Variants in IMPG1 observed in about 807,000 individuals in gnomAD.
IMPG1 encodes the protein interphotoreceptor matrix proteoglycan 1.
In IMPG1, 85 loss-of-function variants were observed where a neutral mutation model predicts 92.0. The observed-to-expected ratio is 0.92, with a 90% CI of 0.78 to 1.11. The LOEUF (loss-of-function observed/expected upper bound fraction) is 1.11. Ranked by LOEUF, IMPG1 falls within the 50% of genes least tolerant of loss-of-function variation. The probability of loss-of-function intolerance (pLI) is 0.00; values close to 1 mark genes in which losing one functional copy is unlikely to be tolerated. For synonymous variants in IMPG1, 367 were observed against 334.1 expected (o/e 1.10, Z -1.08); for missense variants, 1,022 against 956.0 (o/e 1.07, Z -0.91).
intron 12 of IMPG1, among the ~76,000 whole-genome samples, chr6:75,953,998 T>C (rs1334543731): frequency 6.6e-6 from 1 of 152,238 alleles, no homozygotes; most frequent in Non-Finnish European, 1.5e-5. Flanking sequence ...ACATTTTATT[T>C]ATCCAGTCTA....
Position 75,931,025 on chromosome 6 carries a change from C to A in IMPG1, c.2171G>T (p.Gly724Val). The A allele has an allele frequency of 1.5e-5, 25 of 1,614,208 alleles. No homozygotes were observed. The highest frequency in any genetic ancestry group is 2.1e-5 in the Non-Finnish European group (25 of 1,180,030). Residue 724 changes from glycine to valine, a missense_variant, in exon 15 of 17, where the codon GGT becomes GTT. Coordinates refer to ENST00000369950, the MANE Select transcript of IMPG1 (RefSeq NM_001563.4). ...PGYDSQGSLD[G>V]LEPGLCGPGT... is the part of the protein sequence containing the mutation. ...AGGGCCACAGAGGCCTGGTTCCAGA[C>A]CGTCCAGGCTCCCCTGGCTGTCATA...
At chr6:75,967,960 C>A (rs369387605) in intron 12 of IMPG1, among the ~76,000 whole-genome samples, 1 of 152,060 alleles carries the variant, frequency 6.6e-6, no homozygotes, top group Non-Finnish European at 1.5e-5. Context: ...TTCCAGCCAA[C>A]CAAAAGATAA....
chr6:75,929,393 T>C (rs1398886480), intron 15 of IMPG1, among the ~76,000 whole-genome samples: 2 of 152,150 alleles, frequency 1.3e-5, no homozygotes, highest in South Asian at 2.1e-4. Context: ...ATTGCACCTC[T>C]GTATTTTTTG....
intron 6 of IMPG1, among the ~76,000 whole-genome samples, chr6:76,020,660 C>T (rs1783407111): frequency 6.6e-6 from 1 of 151,424 alleles, no homozygotes; most frequent in Non-Finnish European, 1.5e-5. Flanking sequence ...CCTTTGGGGC[C>T]TACTGCCTAC....
rs78972979 is a variant in IMPG1, at chr6:76,032,260, T to G, written c.497+2055A>C. 6.5e-3 allele frequency among the ~76,000 whole-genome samples: 992 copies of G among 152,096 alleles called. 10 individuals carry two copies. Among genetic ancestry groups the G allele is most frequent in the African/African-American group, 0.023 (959 of 41,492 alleles). The stretch of plus-strand genomic sequence containing the variant: ...GGTTGTCTGTCAAGGTTTGGTACAT[T>G]CTGTTGATTTTTTTTTCTTATGGAT... On this transcript the variant is annotated intron_variant, in intron 4 of 16. Coordinates refer to ENST00000369950, the MANE Select transcript of IMPG1 (RefSeq NM_001563.4).
chr6:75,941,951 G>A (rs1472767623), intron 14 of IMPG1, among the ~76,000 whole-genome samples: 1 of 152,152 alleles, frequency 6.6e-6, no homozygotes, highest in East Asian at 1.9e-4. Flanking sequence ...GGTAGGGCTG[G>A]TGTTTCTGGA....
chr6:76,006,676 T>A (rs1783105123), intron 9 of IMPG1, among the ~76,000 whole-genome samples: 1 of 151,970 alleles, frequency 6.6e-6, no homozygotes. Context: ...TACATAATAC[T>A]CTTTTCCCTC....
chr6:76,043,849 C>A (rs945144909), intron 1 of IMPG1, among the ~76,000 whole-genome samples: 2 of 152,182 alleles, frequency 1.3e-5, no homozygotes, highest in African/African-American at 4.8e-5. Flanking sequence ...TGATGTCATC[C>A]TCGGGCAGGC....
At chr6:76,029,778 C>G (rs966575300) in intron 4 of IMPG1, among the ~76,000 whole-genome samples, 1 of 152,158 alleles carries the variant, frequency 6.6e-6, no homozygotes, top group African/African-American at 2.4e-5. Context: ...CAAAGCCAAG[C>G]ACCATGCACC....
At chr6:76,061,467 CT>C (rs1417884658) in intron 1 of IMPG1, among the ~76,000 whole-genome samples, 1 of 152,168 alleles carries the variant, frequency 6.6e-6, no homozygotes, top group African/African-American at 2.4e-5. Flanking sequence ...AGCAAAATAC[CT>C]TTTGTGTAAT....
rs571941654 is a variant in IMPG1 at position 75,931,109 on chromosome 6, A to T, written c.2087T>A (p.Phe696Tyr). Residue 696 changes from phenylalanine to tyrosine, a missense_variant, in exon 15 of 17, where the codon TTT becomes TAT. Phe to Tyr is a conservative substitution (Grantham distance 22, BLOSUM62 3). This residue lies in a region of IMPG1 where 332 missense variants were observed against 346.2 expected (regional missense o/e 0.96). Transcript: ENST00000369950. ...DPCKFLACGE[F>Y]AQCVKNERTE... ...CCGTTCGTTCTTTACACATTGGGCAAATTCGCCGCAGGCCAGGAACTTGCA... is the reference window on the plus strand; with the variant it reads ...CCGTTCGTTCTTTACACATTGGGCATATTCGCCGCAGGCCAGGAACTTGCA... The T allele has an allele frequency of 6.2e-7, 1 of 1,614,102 alleles. No individual in the cohort carries two copies. The highest frequency in any genetic ancestry group is 1.1e-5 in the South Asian group (1 of 91,056).
chr6:75,938,778 A>G (rs1486222119), intron 14 of IMPG1, among the ~76,000 whole-genome samples: 1 of 152,036 alleles, frequency 6.6e-6, no homozygotes, highest in African/African-American at 2.4e-5. Context: ...GCGCCATTGC[A>G]CTCCAGCCTG....
chr6:75,930,929 G>T (rs1405953282), intron 15 of IMPG1, 24 bp downstream of exon 15: 2 of 1,599,242 alleles, frequency 1.3e-6, no homozygotes, highest in Non-Finnish European at 1.7e-6. Context: ...TCTTGAGTCT[G>T]TGACGTTAGC....
At chr6:75,970,131 A>T (rs765787330) in intron 12 of IMPG1, among the ~76,000 whole-genome samples, 20 of 152,236 alleles carry the variant, frequency 1.3e-4, no homozygotes, top group African/African-American at 1.9e-4. Flanking sequence ...AGGATATTTT[A>T]AAAAAATTCT....
chr6:76,030,997 A>C (rs546724287), intron 4 of IMPG1, among the ~76,000 whole-genome samples: 8 of 152,204 alleles, frequency 5.3e-5, no homozygotes, highest in Admixed American at 1.3e-4. Flanking sequence ...GGTGGCAAGC[A>C]GTCTAGTTAG....
intron 5 of IMPG1, 179 bp downstream of exon 5, chr6:76,025,015 T>A: frequency 1.6e-6 from 1 of 634,324 alleles, no homozygotes; most frequent in Non-Finnish European, 2.9e-6. Context: ...TATTCTTTTC[T>A]GTATTTTCCA....
intron 4 of IMPG1, among the ~76,000 whole-genome samples, chr6:76,028,946 G>A (rs1422863443): frequency 1.3e-5 from 2 of 152,224 alleles, no homozygotes; most frequent in African/African-American, 2.4e-5. Flanking sequence ...CGGCAATATA[G>A]TTGTTTGCAT....
intron 14 of IMPG1, among the ~76,000 whole-genome samples, chr6:75,933,380 G>T (rs1230237527): frequency 6.6e-6 from 1 of 152,182 alleles, no homozygotes; most frequent in Non-Finnish European, 1.5e-5. Context: ...ACTATAGAGA[G>T]ATTTCACCAT....
At chr6:76,009,799 C>A (rs1355181299) in intron 8 of IMPG1, among the ~76,000 whole-genome samples, 1 of 152,044 alleles carries the variant, frequency 6.6e-6, no homozygotes, top group Non-Finnish European at 1.5e-5. Flanking sequence ...ATTTTTTAAA[C>A]CTTTGTTTTT....
Sources: allele counts gnomAD v4.1 joint callset (sites outside exome capture counted in the v4.1 genomes callset), GRCh38; gene constraint gnomAD v4.1.1; regional missense constraint gnomAD v4.1.1; transcripts MANE v1.5; gene names NCBI Gene and HGNC (gene_info 2026-07-23, HGNC 2026-07-21).